The following CACNA1B variants were observed in gnomAD, a reference collection of about 807,000 sequenced individuals.
CACNA1B encodes the protein voltage-dependent N-type calcium channel subunit alpha-1B.
In CACNA1B, 70 loss-of-function variants were observed where a neutral mutation model predicts 247.2. The ratio of observed to expected loss-of-function variants is 0.28; its 90% confidence interval spans 0.23 to 0.35. The LOEUF (loss-of-function observed/expected upper bound fraction) is 0.35, where lower values mean the gene tolerates loss of function less well. CACNA1B is among the 10% of genes least tolerant of loss of function. The probability of loss-of-function intolerance (pLI) is 1.00; values close to 1 mark genes in which losing one functional copy is unlikely to be tolerated. For synonymous variants in CACNA1B, 1,231 were observed against 1,294.4 expected, an observed-to-expected ratio of 0.95 and a Z score of 1.05; for missense variants, 2,367 against 3,197.4, an observed-to-expected ratio of 0.74 and a Z score of 6.26.
chr9:138,118,090 T>C lies in CACNA1B; in HGVS notation c.5913+9T>C. ...GGCGGTCAGGAGCACTGGTGAGCACTCCCGGGGGCTAGTGAGACTGGGTTG... is the reference window on the plus strand; with the variant it reads ...GGCGGTCAGGAGCACTGGTGAGCACCCCCGGGGGCTAGTGAGACTGGGTTG... On this transcript the variant is annotated intron_variant, in intron 43 of 46. Coordinates refer to ENST00000371372, the MANE Select transcript of CACNA1B (RefSeq NM_000718.4). 2 of 1,367,534 alleles carry C rather than the reference T, an allele frequency of 1.5e-6. No homozygotes were observed. The highest frequency in any genetic ancestry group is 1.9e-6 in the Non-Finnish European group (2 of 1,037,740). 84.7% of individuals were successfully genotyped at this position (1,367,534 alleles called of 1,614,324 possible).
chr9:137,918,381 G>A (rs967696713), intron 6 of CACNA1B, among the ~76,000 whole-genome samples: 2 of 152,144 alleles, frequency 1.3e-5, no homozygotes, highest in Non-Finnish European at 1.5e-5. Context: ...CAGGGCATGA[G>A]AATAATTAAG....
At chr9:137,951,365 C>T (rs1263254946) in intron 6 of CACNA1B, among the ~76,000 whole-genome samples, 1 of 152,158 alleles carries the variant, frequency 6.6e-6, no homozygotes, top group Non-Finnish European at 1.5e-5. Context: ...GGCAGGAATG[C>T]CAACAGCAGC....
Position 137,954,798 on chromosome 9 carries a change from C to T in CACNA1B, c.1071-900C>T, listed in dbSNP as rs1444308719. 1.3e-5 allele frequency among the ~76,000 whole-genome samples: 2 copies of T among 150,964 alleles called. No individual in the cohort carries two copies. The highest frequency in any genetic ancestry group is 2.9e-5 in the Non-Finnish European group (2 of 67,938). On this transcript the variant is annotated intron_variant, in intron 7 of 46. Transcript: ENST00000371372. This position sits in a 1 kb window ranked among gnomAD's most constrained non-coding sequence, Gnocchi z 4.1. ...ACGGTCAGAGCCGGGGATTGTTGCACCGGGGCTGTGTGTGCTGGGAGTCAT... is the reference window on the plus strand; with the variant it reads ...ACGGTCAGAGCCGGGGATTGTTGCATCGGGGCTGTGTGTGCTGGGAGTCAT...
At chr9:138,067,028 G>A (rs1212742559) in intron 31 of CACNA1B, among the ~76,000 whole-genome samples, 1 of 152,178 alleles carries the variant, frequency 6.6e-6, no homozygotes, top group African/African-American at 2.4e-5. Context: ...TGTAAGGCAG[G>A]GGAGAGGGGT....
At position 138,078,102 on chromosome 9, in the gene CACNA1B, C is replaced by T. The variant is rs920721112; in HGVS notation, c.4950-12C>T. The T allele has an allele frequency of 1.8e-5, 29 of 1,612,874 alleles. No homozygotes were observed. The highest frequency in any genetic ancestry group is 2.4e-5 in the Non-Finnish European group (28 of 1,179,456). On this transcript the variant is annotated splice_polypyrimidine_tract_variant and intron_variant, in intron 35 of 46. Coordinates refer to ENST00000371372, the MANE Select transcript of CACNA1B (RefSeq NM_000718.4). The stretch of plus-strand genomic sequence containing the variant: ...GCCTCTGTGGGCCTCACAACTCTGC[C>T]CTTCTTCTCAGGAGCGCCACGGGGG...
At chr9:137,995,228 A>AC (rs1491465413) in intron 15 of CACNA1B, among the ~76,000 whole-genome samples, 1 of 145,088 alleles carries the variant, frequency 6.9e-6, no homozygotes, top group African/African-American at 2.5e-5. Flanking sequence ...AAAAAAAAAA[A>AC]CAAAATCAGC....
chr9:138,116,770 G>A (rs1006637307), intron 42 of CACNA1B, among the ~76,000 whole-genome samples: 4 of 152,152 alleles, frequency 2.6e-5, no homozygotes, highest in Non-Finnish European at 5.9e-5. Flanking sequence ...CAGGGTTAGC[G>A]GTGCATTAGG....
rs1307086664 is a variant in CACNA1B, at chr9:138,020,418, C to CT, written c.2268-2592dup. 6.6e-6 allele frequency among the ~76,000 whole-genome samples: 1 copy of CT among 152,208 alleles called. No homozygotes were observed. The highest frequency in any genetic ancestry group is 1.5e-5 in the Non-Finnish European group (1 of 68,030). On this transcript the variant is annotated intron_variant, in intron 18 of 46. Coordinates refer to ENST00000371372, the MANE Select transcript of CACNA1B (RefSeq NM_000718.4). This position sits in a 1 kb window ranked among gnomAD's most constrained non-coding sequence, Gnocchi z 4.1. Reference sequence around the variant, plus strand: ...GATTAATCACCAGCCACACTTCACTCTAAGTTGGTGTGGATATGTGCCAGA... The same window carrying CT: ...GATTAATCACCAGCCACACTTCACTCTTAAGTTGGTGTGGATATGTGCCAGA...
At chr9:138,002,177 A>G (rs1409806348) in intron 15 of CACNA1B, among the ~76,000 whole-genome samples, 1 of 152,244 alleles carries the variant, frequency 6.6e-6, no homozygotes, top group Non-Finnish European at 1.5e-5. Flanking sequence ...TGAAATATCA[A>G]AAGAACAGAC....
chr9:138,122,356 C>T lies in CACNA1B; in HGVS notation c.*357C>T, dbSNP rs201630113. The T allele has an allele frequency of 2.7e-5, 8 of 296,592 alleles. No homozygotes were observed. The South Asian group carries it at 3.2e-4, about 12-fold the overall frequency. 18.4% of individuals were successfully genotyped at this position (296,592 alleles called of 1,614,324 possible). On this transcript the variant is annotated 3_prime_UTR_variant, in exon 47 of 47. Coordinates refer to ENST00000371372, the MANE Select transcript of CACNA1B (RefSeq NM_000718.4). ...CTTGGAGCCGTTGTGAGGAGCTCTGCGTCCTGTGGGGAGCACCCTTCACGT... is the reference window on the plus strand; with the variant it reads ...CTTGGAGCCGTTGTGAGGAGCTCTGTGTCCTGTGGGGAGCACCCTTCACGT...
chr9:137,969,019 C>T (rs1201192884), intron 10 of CACNA1B, among the ~76,000 whole-genome samples: 32 of 152,228 alleles, frequency 2.1e-4, no homozygotes, highest in Admixed American at 2.0e-3. Flanking sequence ...GATGTTTCCG[C>T]GTTTCCTGTA....
chr9:137,928,387 C>T (rs557767923), intron 6 of CACNA1B, among the ~76,000 whole-genome samples: 67 of 152,310 alleles, frequency 4.4e-4, no homozygotes, highest in Non-Finnish European at 6.6e-4. Flanking sequence ...TGAGCCCCAC[C>T]GTGCCTGGCC....
At chr9:137,985,238 G>A (rs961335692) in intron 13 of CACNA1B, among the ~76,000 whole-genome samples, 1 of 152,232 alleles carries the variant, frequency 6.6e-6, no homozygotes, top group Non-Finnish European at 1.5e-5. Flanking sequence ...ACCATAGGAG[G>A]ATATGAAGCT....
intron 6 of CACNA1B, among the ~76,000 whole-genome samples, chr9:137,923,396 C>T (rs1435477853): frequency 2.0e-5 from 3 of 148,254 alleles, no homozygotes; most frequent in Non-Finnish European, 3.0e-5. Flanking sequence ...GGTGGTATTC[C>T]GTGGTGCCAG....
chr9:137,928,184 G>A (rs551613300), intron 6 of CACNA1B, among the ~76,000 whole-genome samples: 6 of 151,962 alleles, frequency 3.9e-5, no homozygotes, highest in Admixed American at 6.6e-5. Context: ...TGCAATCTCC[G>A]CCTCCAAGGT....
At chr9:137,933,416 C>T (rs2133307747) in intron 6 of CACNA1B, among the ~76,000 whole-genome samples, 1 of 152,280 alleles carries the variant, frequency 6.6e-6, no homozygotes, top group Non-Finnish European at 1.5e-5. Context: ...TACAAAGTGG[C>T]ACCTGCAATT....
chr9:138,024,689 C>T (rs1589076268), intron 19 of CACNA1B, among the ~76,000 whole-genome samples: 1 of 152,040 alleles, frequency 6.6e-6, no homozygotes, highest in Non-Finnish European at 1.5e-5. Flanking sequence ...AGTGCAGTGG[C>T]GCAATCATGG....
At chr9:138,038,557 C>G (rs1350079877) in intron 20 of CACNA1B, among the ~76,000 whole-genome samples, 1 of 152,220 alleles carries the variant, frequency 6.6e-6, no homozygotes, top group Admixed American at 6.5e-5. Flanking sequence ...TGGCACTTAG[C>G]CAGTGAAGGG....
At chr9:137,945,255 G>T (rs1318670229) in intron 6 of CACNA1B, among the ~76,000 whole-genome samples, 1 of 152,344 alleles carries the variant, frequency 6.6e-6, no homozygotes, top group East Asian at 1.9e-4. Flanking sequence ...GCCAAGCAGG[G>T]AATCAGAGGG....
Sources: gnomAD v4.1 joint callset for allele counts (sites outside exome capture counted in the v4.1 genomes callset) on GRCh38, gnomAD v4.1.1 for gene constraint, Gnocchi (gnomAD v3.1) non-coding constraint, MANE v1.5 for transcripts, NCBI Gene and HGNC (gene_info 2026-07-23, HGNC 2026-07-21) for gene names.